LINGO2: variants seen among roughly 807,000 people sequenced by gnomAD.
LINGO2 encodes leucine rich repeat and Ig domain containing 2.
A neutral mutation model predicts 30.6 loss-of-function variants in LINGO2; 14 were observed. The ratio of observed to expected loss-of-function variants is 0.46; its 90% CI spans 0.30 to 0.72. LINGO2 has a LOEUF of 0.72. Ranked by LOEUF, LINGO2 falls within the 30% of genes least tolerant of loss-of-function variation. LINGO2 has a pLI of 0.07. For missense variants in LINGO2, 729 were observed against 751.7 expected, an observed-to-expected ratio of 0.97 and a Z score of 0.35; for synonymous variants, 317 against 288.5, an observed-to-expected ratio of 1.10 and a Z score of -1.00.
the LINGO2 span, among the ~76,000 whole-genome samples, chr9:28,934,305 G>C: frequency 6.6e-6 from 1 of 152,200 alleles, no homozygotes; most frequent in Non-Finnish European, 1.5e-5. Flanking sequence ...TGCCCAGATA[G>C]TGGCAGTCAT....
chr9:29,005,648 A>G, the LINGO2 span, among the ~76,000 whole-genome samples: 1 of 152,112 alleles, frequency 6.6e-6, no homozygotes, highest in Non-Finnish European at 1.5e-5. Flanking sequence ...ACACCCATGT[A>G]TACCAAAATT....
intron 4 of LINGO2, among the ~76,000 whole-genome samples, chr9:28,233,406 A>G (rs998434425): frequency 1.3e-5 from 2 of 152,144 alleles, no homozygotes; most frequent in Non-Finnish European, 2.9e-5. Flanking sequence ...TGACCTTGCC[A>G]TTAGTGAGGT....
chr9:28,012,906 A>G (rs1233565518), intron 4 of LINGO2, among the ~76,000 whole-genome samples: 1 of 152,222 alleles, frequency 6.6e-6, no homozygotes. Flanking sequence ...GGACAGCAGC[A>G]GAATCACTTG....
rs1285994607 is a variant in LINGO2, at chr9:28,049,409, CAT to C, written c.-86-37006_-86-37005del. The stretch of plus-strand genomic sequence containing the variant: ...AAATTCAACATAGCAGGTAATAAAA[CAT>C]ATTAGATCTTATTTCTACGGGATGG... On this transcript the variant is annotated intron_variant, in intron 4 of 5. Coordinates refer to ENST00000379992, the Ensembl canonical transcript of LINGO2. Among the ~76,000 whole-genome samples the C allele has an allele frequency of 2.0e-5, 3 of 150,504 alleles. 1 individual carries two copies. Among genetic ancestry groups the C allele is most frequent in the African/African-American group, 7.4e-5 (3 of 40,670 alleles).
intron 4 of LINGO2, among the ~76,000 whole-genome samples, chr9:28,138,428 T>G (rs905646855): frequency 4.6e-5 from 7 of 152,184 alleles, no homozygotes; most frequent in Admixed American, 3.3e-4. Context: ...AAGCTGGGAA[T>G]TAAAAGTTTT....
chr9:28,126,880 T>G (rs1038320565), intron 4 of LINGO2, among the ~76,000 whole-genome samples: 6 of 152,200 alleles, frequency 3.9e-5, no homozygotes, highest in Non-Finnish European at 7.3e-5. Flanking sequence ...CTCTCTAAAC[T>G]TACTTCAATT....
chr9:28,199,339 TTCTTC>T (rs996673028), intron 4 of LINGO2, among the ~76,000 whole-genome samples: 2 of 135,412 alleles, frequency 1.5e-5, no homozygotes, highest in African/African-American at 5.2e-5. Context: ...CTTCTTCTTC[TTCTTC>T]TTTTTTTTTT....
chr9:28,799,873 A>T, the LINGO2 span, among the ~76,000 whole-genome samples: 1 of 152,132 alleles, frequency 6.6e-6, no homozygotes, highest in Non-Finnish European at 1.5e-5. Flanking sequence ...TTTTCCAGGA[A>T]TCAAAAATTT....
At chr9:28,437,716 G>C (rs1463191692) in intron 2 of LINGO2, among the ~76,000 whole-genome samples, 1 of 152,058 alleles carries the variant, frequency 6.6e-6, no homozygotes, top group East Asian at 1.9e-4. Context: ...CAAAGGATAA[G>C]GGAGCTACAT....
chr9:29,036,078 C>T, the LINGO2 span, among the ~76,000 whole-genome samples: 11 of 152,100 alleles, frequency 7.2e-5, no homozygotes, highest in East Asian at 1.4e-3. Context: ...TCATTTTAGA[C>T]GCTTGCAACA....
chr9:27,981,566 A>G (rs968562156), intron 5 of LINGO2, among the ~76,000 whole-genome samples: 7 of 130,210 alleles, frequency 5.4e-5, no homozygotes, highest in African/African-American at 1.9e-4. Flanking sequence ...AAAAGAAAAA[A>G]AAAGAAAAAA....
At chr9:29,055,936 G>GTATATATATATATATATACATACATATA in the LINGO2 span, among the ~76,000 whole-genome samples, 28 of 121,936 alleles carry the variant, frequency 2.3e-4, 1 homozygote. Context: ...GTGTATGTGT[G>GTATATATATATATATATACATACATATA]TGTGTATATA....
chr9:28,271,096 G>A (rs1185909146), intron 4 of LINGO2, among the ~76,000 whole-genome samples: 1 of 151,318 alleles, frequency 6.6e-6, no homozygotes, highest in Non-Finnish European at 1.5e-5. Flanking sequence ...TGGAATTCAA[G>A]AACATAGTCC....
At chr9:28,055,467 T>C (rs770099976) in intron 4 of LINGO2, among the ~76,000 whole-genome samples, 2 of 152,142 alleles carry the variant, frequency 1.3e-5, no homozygotes, top group African/African-American at 2.4e-5. Context: ...TTGCATAAAA[T>C]AAGAACTTGT....
the LINGO2 span, among the ~76,000 whole-genome samples, chr9:29,188,863 CGGCTGGCCG>C: frequency 1.1e-3 from 154 of 135,418 alleles, no homozygotes; most frequent in African/African-American, 4.1e-3. Flanking sequence ...CCAGACAGGG[CGGCTGGCCG>C]GGCAGAGGGG....
At chr9:29,153,891 C>T in the LINGO2 span, among the ~76,000 whole-genome samples, 1 of 152,076 alleles carries the variant, frequency 6.6e-6, no homozygotes, top group Non-Finnish European at 1.5e-5. Context: ...AAATGTTAAA[C>T]GGATCAAGGC....
the LINGO2 span, among the ~76,000 whole-genome samples, chr9:29,071,174 G>A: frequency 6.8e-5 from 10 of 147,064 alleles, no homozygotes; most frequent in East Asian, 9.9e-4. Context: ...GTATTGTATT[G>A]TATTGTATTG....
chr9:28,411,840 C>T (rs376080531), intron 2 of LINGO2, among the ~76,000 whole-genome samples: 19 of 152,130 alleles, frequency 1.2e-4, no homozygotes, highest in East Asian at 7.7e-4. Flanking sequence ...GAAGAATCAC[C>T]GCATTGTTTT....
the LINGO2 span, among the ~76,000 whole-genome samples, chr9:29,007,959 G>T: frequency 6.6e-6 from 1 of 151,948 alleles, no homozygotes; most frequent in African/African-American, 2.4e-5. Flanking sequence ...TAAGTTCTAG[G>T]GTACATGTGC....
Sources: allele counts gnomAD v4.1 joint callset (sites outside exome capture counted in the v4.1 genomes callset), GRCh38; gene constraint gnomAD v4.1.1; transcripts MANE v1.5; gene names NCBI Gene and HGNC (gene_info 2026-07-23, HGNC 2026-07-21).